Variants in NEGR1 observed in about 807,000 individuals in gnomAD.
NEGR1 encodes the protein neuronal growth regulator 1, also known as IgLON family member 4.
A neutral mutation model predicts 40.9 loss-of-function variants in NEGR1; 10 were observed. That is an observed-to-expected ratio of 0.24 (90% CI 0.15 to 0.42). The LOEUF is 0.42. Among genes scored for constraint, NEGR1 ranks in the 10% least tolerant of loss-of-function variants. The pLI, the probability that NEGR1 is intolerant of heterozygous loss-of-function variation, is 1.00. For missense variants in NEGR1, 352 were observed against 438.9 expected, an observed-to-expected ratio of 0.80 and a Z score of 1.77; for synonymous variants, 185 against 166.8, an observed-to-expected ratio of 1.11 and a Z score of -0.84.
chr1:71,701,654 T>C (rs1279524361), intron 3 of NEGR1, among the ~76,000 whole-genome samples: 2 of 152,026 alleles, frequency 1.3e-5, no homozygotes, highest in South Asian at 2.1e-4. Flanking sequence ...TTCCACAGAC[T>C]AGGGCATGGA....
chr1:71,541,450 A>G (rs1647700206), intron 6 of NEGR1, among the ~76,000 whole-genome samples: 1 of 151,808 alleles, frequency 6.6e-6, no homozygotes, highest in Non-Finnish European at 1.5e-5. Flanking sequence ...GGTGGAAGAC[A>G]GATATCCCTG....
In NEGR1 at chr1:71,735,678, T is replaced by G. The variant is rs116665848; in HGVS notation, c.536-37539A>C. On this transcript the variant is annotated intron_variant, in intron 3 of 6. Coordinates refer to ENST00000357731, the MANE Select transcript of NEGR1 (RefSeq NM_173808.3). ...ACACACATCGTGGGTATACATATAATTAAGTATATAAAATGTAAAAGTACA... is the reference window on the plus strand; with the variant it reads ...ACACACATCGTGGGTATACATATAAGTAAGTATATAAAATGTAAAAGTACA... 5.1e-3 allele frequency among the ~76,000 whole-genome samples: 783 copies of G among 152,080 alleles called. 2 individuals are homozygous for G. Among genetic ancestry groups the G allele is most frequent in the Non-Finnish European group, 8.2e-3 (559 of 67,934 alleles).
intron 4 of NEGR1, among the ~76,000 whole-genome samples, chr1:71,634,752 T>C (rs1405979453): frequency 1.3e-5 from 2 of 152,102 alleles, no homozygotes; most frequent in Non-Finnish European, 2.9e-5. Context: ...AATTACATAG[T>C]CTTAGGAAAT....
intron 6 of NEGR1, among the ~76,000 whole-genome samples, chr1:71,506,738 C>T (rs1647037109): frequency 6.6e-6 from 1 of 152,082 alleles, no homozygotes; most frequent in Non-Finnish European, 1.5e-5. Context: ...CTTAGGGAAG[C>T]TCCACTACAT....
At chr1:71,567,717 C>A (rs1648664560) in intron 6 of NEGR1, among the ~76,000 whole-genome samples, 1 of 152,016 alleles carries the variant, frequency 6.6e-6, no homozygotes, top group African/African-American at 2.4e-5. Flanking sequence ...TGTTTGTGTC[C>A]CCCCTCCGCC....
intron 2 of NEGR1, among the ~76,000 whole-genome samples, chr1:71,894,564 G>A (rs943116651): frequency 1.3e-5 from 2 of 152,164 alleles, no homozygotes; most frequent in Admixed American, 6.5e-5. Context: ...GACCAAAGAA[G>A]TTAAGTAACT....
chr1:71,616,995 A>C (rs867759384), intron 4 of NEGR1, among the ~76,000 whole-genome samples: 3 of 152,242 alleles, frequency 2.0e-5, no homozygotes, highest in Non-Finnish European at 4.4e-5. Flanking sequence ...TGAAAACTTC[A>C]AAACTGCTGT....
At chr1:71,804,097 G>A (rs1013469665) in intron 2 of NEGR1, among the ~76,000 whole-genome samples, 1 of 152,012 alleles carries the variant, frequency 6.6e-6, no homozygotes, top group Non-Finnish European at 1.5e-5. Context: ...ACAGGGAGAG[G>A]AATCAGGAGT....
At chr1:72,061,679 T>C (rs571180997) in intron 1 of NEGR1, among the ~76,000 whole-genome samples, 1 of 151,890 alleles carries the variant, frequency 6.6e-6, no homozygotes. Context: ...TTTAAAAACA[T>C]AATTTTCAAA....
chr1:72,191,562 A>G (rs989977187), intron 1 of NEGR1, among the ~76,000 whole-genome samples: 2 of 151,870 alleles, frequency 1.3e-5, no homozygotes, highest in African/African-American at 2.4e-5. Context: ...AAACATCCAT[A>G]GGGTATGTGT....
intron 6 of NEGR1, among the ~76,000 whole-genome samples, chr1:71,539,303 A>G (rs968044519): frequency 4.0e-5 from 6 of 151,776 alleles, no homozygotes; most frequent in Non-Finnish European, 8.8e-5. Context: ...AGTGACTATC[A>G]TATAATTCAG....
At chr1:71,754,140 A>C (rs986848727) in intron 3 of NEGR1, among the ~76,000 whole-genome samples, 1 of 152,186 alleles carries the variant, frequency 6.6e-6, no homozygotes, top group African/African-American at 2.4e-5. Flanking sequence ...CAGAAGTGAC[A>C]GGAAAGGCTC....
At chr1:71,661,117 C>T (rs6424440) in intron 4 of NEGR1, among the ~76,000 whole-genome samples, 71,516 of 151,708 alleles carry the variant, frequency 0.47, 16,880 homozygotes, top group Middle Eastern at 0.54. Context: ...GCATTACGGT[C>T]GGTTCCAAGT....
chr1:71,482,490 A>G (rs1295501875), intron 6 of NEGR1, among the ~76,000 whole-genome samples: 1 of 151,816 alleles, frequency 6.6e-6, no homozygotes, highest in African/African-American at 2.4e-5. Flanking sequence ...GAAAGCAATC[A>G]CCATTTTAAA....
intron 2 of NEGR1, among the ~76,000 whole-genome samples, chr1:71,866,505 G>A (rs61765279): frequency 6.6e-6 from 1 of 152,112 alleles, no homozygotes; most frequent in Non-Finnish European, 1.5e-5. Flanking sequence ...AATGTAAACT[G>A]TACTTTAAAT....
At chr1:71,943,571 T>C (rs1236055482) in intron 1 of NEGR1, among the ~76,000 whole-genome samples, 2 of 152,092 alleles carry the variant, frequency 1.3e-5, no homozygotes, top group Non-Finnish European at 2.9e-5. Flanking sequence ...AATTTTTACA[T>C]GTAAAGGGTG....
At chr1:71,496,540 A>G (rs1299632404) in intron 6 of NEGR1, among the ~76,000 whole-genome samples, 1 of 152,136 alleles carries the variant, frequency 6.6e-6, no homozygotes, top group Non-Finnish European at 1.5e-5. Context: ...TGAGAGCTGT[A>G]AGGAGACCAG....
chr1:72,064,969 T>C (rs1569903080), intron 1 of NEGR1, among the ~76,000 whole-genome samples: 1 of 152,066 alleles, frequency 6.6e-6, no homozygotes, highest in East Asian at 1.9e-4. Flanking sequence ...TCTGTTTTAT[T>C]ATTATTATTT....
chr1:71,662,540 G>GT lies in NEGR1; in HGVS notation c.667+35467dup, dbSNP rs112055752. On this transcript the variant is annotated intron_variant, in intron 4 of 6. Coordinates refer to ENST00000357731, the MANE Select transcript of NEGR1 (RefSeq NM_173808.3). Reference sequence around the variant, plus strand: ...AGATATTTAAGTTTTTTGAGCCTCAGTTTTTTCGCCTGAAAAAGAGTATTA... The same window carrying GT: ...AGATATTTAAGTTTTTTGAGCCTCAGTTTTTTTCGCCTGAAAAAGAGTATTA... 5.3e-5 allele frequency among the ~76,000 whole-genome samples: 8 copies of GT among 152,140 alleles called. 1 individual carries two copies. The highest frequency in any genetic ancestry group is 1.4e-4 in the African/African-American group (6 of 41,512).
Sources: gnomAD v4.1 joint callset for allele counts (sites outside exome capture counted in the v4.1 genomes callset) on GRCh38, gnomAD v4.1.1 for gene constraint, MANE v1.5 for transcripts, NCBI Gene and HGNC (gene_info 2026-07-23, HGNC 2026-07-21) for gene names.